Variants in DLG2 observed in about 807,000 individuals in gnomAD.
DLG2 encodes disks large homolog 2.
In DLG2, 45 loss-of-function variants were observed where a neutral mutation model predicts 132.5. The observed-to-expected ratio is 0.34, with a 90% CI of 0.27 to 0.44. The LOEUF is 0.44. Among genes scored for constraint, DLG2 ranks in the 20% least tolerant of loss-of-function variants. The pLI is 1.00. For missense variants in DLG2, 1,045 were observed against 1,196.9 expected (o/e 0.87, Z 1.87); for synonymous variants, 424 against 419.6 (o/e 1.01, Z -0.13).
At chr11:83,529,759 A>C (rs2095691810) in intron 21 of DLG2, among the ~76,000 whole-genome samples, 1 of 152,092 alleles carries the variant, frequency 6.6e-6, no homozygotes, top group Non-Finnish European at 1.5e-5. Context: ...AGTGAGCTGA[A>C]ACCAGAACCC....
intron 6 of DLG2, among the ~76,000 whole-genome samples, chr11:84,551,238 G>A (rs573052900): frequency 2.4e-4 from 37 of 152,262 alleles, no homozygotes; most frequent in African/African-American, 8.4e-4. Context: ...CTTGCTTATG[G>A]TGGTTTAAAT....
chr11:83,947,834 T>C (rs1040095456), intron 14 of DLG2, among the ~76,000 whole-genome samples: 19 of 152,208 alleles, frequency 1.2e-4, no homozygotes, highest in African/African-American at 4.1e-4. Flanking sequence ...ATCCTCCTTC[T>C]GGCTTCTGGC....
At chr11:83,991,279 C>T (rs2093695837) in intron 11 of DLG2, among the ~76,000 whole-genome samples, 1 of 152,260 alleles carries the variant, frequency 6.6e-6, no homozygotes, top group Non-Finnish European at 1.5e-5. Context: ...ATCTTCAATC[C>T]TGCTTGAAGA....
At chr11:85,263,043 C>A (rs1175155704) in intron 4 of DLG2, among the ~76,000 whole-genome samples, 1 of 152,172 alleles carries the variant, frequency 6.6e-6, no homozygotes, top group Non-Finnish European at 1.5e-5. Context: ...ACCATAATTT[C>A]TCTCAGGGCA....
intron 6 of DLG2, among the ~76,000 whole-genome samples, chr11:84,974,022 T>C (rs2054504146): frequency 6.6e-6 from 1 of 152,286 alleles, no homozygotes; most frequent in South Asian, 2.1e-4. Flanking sequence ...AAGTAGATAG[T>C]CCCATTTATC....
intron 6 of DLG2, among the ~76,000 whole-genome samples, chr11:85,038,160 T>C (rs2061568316): frequency 6.6e-6 from 1 of 152,080 alleles, no homozygotes; most frequent in African/African-American, 2.4e-5. Flanking sequence ...CATGATTCAG[T>C]TCACATTAGA....
intron 15 of DLG2, among the ~76,000 whole-genome samples, chr11:83,928,881 T>C (rs1420414839): frequency 1.3e-5 from 2 of 152,210 alleles, no homozygotes; most frequent in Non-Finnish European, 2.9e-5. Context: ...TATAGGTACA[T>C]AATTACTAGC....
chr11:84,220,272 C>A (rs934324754), intron 8 of DLG2, among the ~76,000 whole-genome samples: 1 of 152,096 alleles, frequency 6.6e-6, no homozygotes, highest in African/African-American at 2.4e-5. Context: ...GGTACTAGAC[C>A]ACAGATTACC....
rs1321242567 is a variant in DLG2 at position 84,386,685 on chromosome 11, A to AT, written c.520-135395dup. Among the ~76,000 whole-genome samples, 18 of 152,126 alleles carry AT rather than the reference A, an allele frequency of 1.2e-4. 1 individual carries two copies. In the South Asian group the frequency reaches 3.5e-3, roughly 30 times the overall value. On this transcript the variant is annotated intron_variant, in intron 7 of 27. Coordinates refer to ENST00000376104, the MANE Select transcript of DLG2 (RefSeq NM_001142699.3). ...GCCAGGTCAGGTAATATGTTGATGCATTTTTTTCTTTGCAAATCCAATGTC... is the reference window on the plus strand; with the variant it reads ...GCCAGGTCAGGTAATATGTTGATGCATTTTTTTTCTTTGCAAATCCAATGTC...
chr11:84,778,706 A>T (rs2071145026), intron 6 of DLG2, among the ~76,000 whole-genome samples: 1 of 151,896 alleles, frequency 6.6e-6, no homozygotes, highest in South Asian at 2.1e-4. Context: ...TGAAGGAGGG[A>T]AATTATTGTT....
chr11:84,956,661 A>G (rs112865330), intron 6 of DLG2, among the ~76,000 whole-genome samples: 68 of 152,324 alleles, frequency 4.5e-4, no homozygotes, highest in African/African-American at 1.2e-3. Flanking sequence ...AAGGCACTAC[A>G]TACATTTGAA....
chr11:83,860,844 T>C (rs1480981151), intron 16 of DLG2, among the ~76,000 whole-genome samples: 1 of 152,186 alleles, frequency 6.6e-6, no homozygotes, highest in Non-Finnish European at 1.5e-5. Flanking sequence ...GGTGGGTCTT[T>C]CCTGTGCTGT....
intron 17 of DLG2, among the ~76,000 whole-genome samples, chr11:83,796,291 T>C (rs992167749): frequency 6.6e-6 from 1 of 152,206 alleles, no homozygotes; most frequent in African/African-American, 2.4e-5. Context: ...TCAGCTCCAG[T>C]GATTAAAACA....
At chr11:84,530,367 T>C (rs779636757) in intron 7 of DLG2, among the ~76,000 whole-genome samples, 10 of 152,110 alleles carry the variant, frequency 6.6e-5, no homozygotes, top group Non-Finnish European at 1.2e-4. Flanking sequence ...ACCTACAGAA[T>C]TGGAGAAAAT....
At chr11:84,351,953 G>C (rs1333448604) in intron 7 of DLG2, among the ~76,000 whole-genome samples, 1 of 152,180 alleles carries the variant, frequency 6.6e-6, no homozygotes, top group African/African-American at 2.4e-5. Flanking sequence ...TATTAGGATT[G>C]CTAGATTCAG....
rs543459079 is a variant in DLG2, at chr11:84,663,388, G to T, written c.358-128657C>A. On this transcript the variant is annotated intron_variant, in intron 6 of 27. Transcript: ENST00000376104. ...AAGATTGCTGTCCTGGGCTCCAAGA[G>T]TGAACTCTGGTGGTTATCTCAAACA... Among the ~76,000 whole-genome samples the T allele has an allele frequency of 3.3e-5, 5 of 152,100 alleles. No individual in the cohort carries two copies. In the East Asian group the frequency reaches 5.8e-4, roughly 18 times the overall value.
intron 7 of DLG2, among the ~76,000 whole-genome samples, chr11:84,419,803 C>T (rs2098942472): frequency 6.6e-6 from 1 of 152,170 alleles, no homozygotes; most frequent in African/African-American, 2.4e-5. Context: ...ACCCATTTTG[C>T]TCCTAATTAA....
At chr11:83,951,011 T>C (rs889058166) in intron 14 of DLG2, among the ~76,000 whole-genome samples, 7 of 151,836 alleles carry the variant, frequency 4.6e-5, no homozygotes, top group African/African-American at 9.7e-5. Flanking sequence ...AAGTGAAAGA[T>C]TGAATAAATG....
chr11:84,402,598 G>T (rs1022904346), intron 7 of DLG2, among the ~76,000 whole-genome samples: 1 of 151,614 alleles, frequency 6.6e-6, no homozygotes, highest in Non-Finnish European at 1.5e-5. Context: ...AAATTAACTC[G>T]GCCAGGTGCG....
Sources: gnomAD v4.1 joint callset for allele counts (sites outside exome capture counted in the v4.1 genomes callset) on GRCh38, gnomAD v4.1.1 for gene constraint, MANE v1.5 for transcripts, NCBI Gene and HGNC (gene_info 2026-07-23, HGNC 2026-07-21) for gene names.